Variants in RBFOX1 observed in about 807,000 individuals in gnomAD.
RBFOX1 encodes RNA binding protein fox-1 homolog 1.
RBFOX1 carries 8 observed loss-of-function variants against 57.7 expected under a neutral mutation model. The observed-to-expected ratio is 0.14, with a 90% confidence interval of 0.08 to 0.25. RBFOX1 has a LOEUF of 0.25. Ranked by LOEUF, RBFOX1 falls within the 10% of genes least tolerant of loss-of-function variation. The pLI is 1.00. For synonymous variants in RBFOX1, 326 were observed against 222.4 expected, an observed-to-expected ratio of 1.47 and a Z score of -4.15; for missense variants, 611 against 548.5, an observed-to-expected ratio of 1.11 and a Z score of -1.14.
chr16:5,898,593 A>G lies in RBFOX1; in HGVS notation c.351+31258A>G, dbSNP rs1003575735. On this transcript the variant is annotated intron_variant, in intron 4 of 19. Transcript: ENST00000641259. ...CCTCTCTACAATGAGCATAGATTCT[A>G]TTGTCAAGTCTGTTTTGCAGATGAA... Among the ~76,000 whole-genome samples, 6 of 151,002 alleles carry G rather than the reference A, an allele frequency of 4.0e-5. No homozygotes were observed. The South Asian group carries it at 1.3e-3, about 31-fold the overall frequency.
At chr16:6,076,584 C>T (rs1247841553) in intron 1 of RBFOX1, among the ~76,000 whole-genome samples, 1 of 152,070 alleles carries the variant, frequency 6.6e-6, no homozygotes, top group Non-Finnish European at 1.5e-5. Context: ...CCTCCCACCT[C>T]TGCCTCCCAG....
At chr16:6,820,226 T>A (rs531851775) in intron 3 of RBFOX1, among the ~76,000 whole-genome samples, 276 of 152,330 alleles carry the variant, frequency 1.8e-3, no homozygotes, top group Non-Finnish European at 3.0e-3. Flanking sequence ...CATGTGCAAC[T>A]GTGAGTCGAT....
rs1231198374 is a variant in RBFOX1 at position 7,124,183 on chromosome 16, C to T, written c.27+72085C>T. ...GCATGGTGGCTCACATCTGTAATGA[C>T]AGCACTTCGGGAGGCCAAGGCAGGA... On this transcript the variant is annotated intron_variant, in intron 4 of 15. Transcript: ENST00000550418. Among the ~76,000 whole-genome samples, 4 of 152,128 alleles carry T rather than the reference C, an allele frequency of 2.6e-5. No individual in the cohort carries two copies. In the East Asian group the frequency reaches 7.7e-4, roughly 29 times the overall value.
At chr16:5,796,428 T>G (rs1567553477) in intron 3 of RBFOX1, among the ~76,000 whole-genome samples, 1 of 152,172 alleles carries the variant, frequency 6.6e-6, no homozygotes, top group Non-Finnish European at 1.5e-5. Context: ...ATATGATCAG[T>G]GGCCTCAAAA....
chr16:7,643,892 A>T (rs531540952), intron 11 of RBFOX1, among the ~76,000 whole-genome samples: 64 of 152,264 alleles, frequency 4.2e-4, no homozygotes, highest in African/African-American at 1.4e-3. Flanking sequence ...TGTCTCCCCT[A>T]TCCCCCAACA....
chr16:6,629,744 C>G (rs1484432687), intron 2 of RBFOX1, among the ~76,000 whole-genome samples: 1 of 152,148 alleles, frequency 6.6e-6, no homozygotes, highest in Non-Finnish European at 1.5e-5. Context: ...CCTTTCTAAC[C>G]ACATTTATTT....
At chr16:7,095,208 C>G (rs1360038681) in intron 4 of RBFOX1, among the ~76,000 whole-genome samples, 6 of 152,168 alleles carry the variant, frequency 3.9e-5, no homozygotes, top group Non-Finnish European at 1.5e-5. Flanking sequence ...ACGATCTCAG[C>G]TCACTGCAAC....
At chr16:7,492,432 A>T (rs577153026) in intron 4 of RBFOX1, among the ~76,000 whole-genome samples, 1 of 152,230 alleles carries the variant, frequency 6.6e-6, no homozygotes, top group East Asian at 1.9e-4. Context: ...GTTTCCTAGA[A>T]CTGTAGAAGC....
intron 2 of RBFOX1, among the ~76,000 whole-genome samples, chr16:6,469,129 C>G (rs999002314): frequency 6.6e-6 from 1 of 152,006 alleles, no homozygotes; most frequent in Non-Finnish European, 1.5e-5. Flanking sequence ...CAACCTGAAC[C>G]ATTGGAGTTC....
intron 14 of RBFOX1, among the ~76,000 whole-genome samples, chr16:7,708,167 T>C (rs1229573450): frequency 6.6e-6 from 1 of 152,128 alleles, no homozygotes; most frequent in Non-Finnish European, 1.5e-5. Context: ...AGCAAGACTT[T>C]GTCTCCCCCC....
chr16:6,777,796 T>C (rs924998934), intron 3 of RBFOX1, among the ~76,000 whole-genome samples: 2 of 152,126 alleles, frequency 1.3e-5, no homozygotes, highest in Non-Finnish European at 2.9e-5. Context: ...GAGGTTTGTG[T>C]TTTGCACCTT....
chr16:6,753,155 A>C (rs975423520), intron 3 of RBFOX1, among the ~76,000 whole-genome samples: 1 of 152,168 alleles, frequency 6.6e-6, no homozygotes, highest in Non-Finnish European at 1.5e-5. Context: ...TGATGTGTGA[A>C]ATTTACTTTG....
intron 1 of RBFOX1, among the ~76,000 whole-genome samples, chr16:6,160,778 G>A (rs1359859284): frequency 6.6e-6 from 1 of 152,086 alleles, no homozygotes; most frequent in Non-Finnish European, 1.5e-5. Flanking sequence ...ATTCCATCCC[G>A]TCTTGGGCCT....
At chr16:6,283,580 A>G (rs1042477770) in intron 1 of RBFOX1, among the ~76,000 whole-genome samples, 5 of 152,258 alleles carry the variant, frequency 3.3e-5, no homozygotes, top group African/African-American at 1.2e-4. Flanking sequence ...AATTCTCTCC[A>G]GAACTCAGGT....
intron 2 of RBFOX1, among the ~76,000 whole-genome samples, chr16:6,586,519 T>C (rs1429655400): frequency 6.6e-6 from 1 of 152,196 alleles, no homozygotes; most frequent in Non-Finnish European, 1.5e-5. Flanking sequence ...AACAGTATTG[T>C]CTCATGTGAT....
intron 3 of RBFOX1, among the ~76,000 whole-genome samples, chr16:7,010,813 T>TCTCTGC (rs1035172183): frequency 2.0e-5 from 3 of 152,038 alleles, no homozygotes; most frequent in Non-Finnish European, 4.4e-5. Context: ...GATCTACCCA[T>TCTCTGC]CTCTGCCTCT....
At chr16:7,162,280 T>G (rs1413705667) in intron 4 of RBFOX1, among the ~76,000 whole-genome samples, 3 of 152,338 alleles carry the variant, frequency 2.0e-5, no homozygotes, top group Non-Finnish European at 4.4e-5. Flanking sequence ...TCTCTCCATA[T>G]GTATATATAT....
chr16:7,609,135 A>G (rs2056926312), intron 10 of RBFOX1, among the ~76,000 whole-genome samples: 1 of 152,246 alleles, frequency 6.6e-6, no homozygotes. Flanking sequence ...CCATGAATGG[A>G]GTAGTTAGAC....
intron 3 of RBFOX1, among the ~76,000 whole-genome samples, chr16:6,976,382 A>T (rs181204785): frequency 2.0e-4 from 31 of 152,250 alleles, no homozygotes; most frequent in Middle Eastern, 6.8e-3. Context: ...ACATGAAGCA[A>T]ATATCATTTT....
Sources: allele counts gnomAD v4.1 joint callset (sites outside exome capture counted in the v4.1 genomes callset), GRCh38; gene constraint gnomAD v4.1.1; transcripts MANE v1.5; gene names NCBI Gene and HGNC (gene_info 2026-07-23, HGNC 2026-07-21).